UTRN: variants seen among roughly 807,000 people sequenced by gnomAD.
The protein encoded by UTRN is dystrophin-related protein 1.
In UTRN, 283 loss-of-function variants were observed where a neutral mutation model predicts 463.9. The ratio of observed to expected loss-of-function variants is 0.61; its 90% CI spans 0.55 to 0.67. UTRN has a LOEUF of 0.67. UTRN is among the 30% of genes least tolerant of loss of function. The pLI, the probability that UTRN is intolerant of heterozygous loss-of-function variation, is 0.00. For missense variants in UTRN, 3,922 were observed against 4,084.3 expected (o/e 0.96, Z 1.08); for synonymous variants, 1,442 against 1,431.5 (o/e 1.01, Z -0.17).
chr6:144,557,761 AAATAAT>A (rs1467628426), intron 50 of UTRN, among the ~76,000 whole-genome samples: 5 of 152,128 alleles, frequency 3.3e-5, no homozygotes, highest in Non-Finnish European at 7.4e-5. Context: ...TAGATCCCTG[AAATAAT>A]CTATGTGCAT....
chr6:144,789,416 C>A, intron 62 of UTRN, 137 bp downstream of exon 62: 2 of 681,488 alleles, frequency 2.9e-6, no homozygotes, highest in African/African-American at 1.9e-5. Context: ...GTGCCTATAC[C>A]AAGTTAGACA....
At chr6:144,630,837 C>T (rs886219688) in intron 51 of UTRN, among the ~76,000 whole-genome samples, 4 of 152,152 alleles carry the variant, frequency 2.6e-5, no homozygotes, top group Non-Finnish European at 5.9e-5. Context: ...GCAACTGTCA[C>T]CCTCCTTGTC....
At chr6:144,597,106 C>A in intron 51 of UTRN, among the ~76,000 whole-genome samples, 1 of 152,008 alleles carries the variant, frequency 6.6e-6, no homozygotes, top group East Asian at 1.9e-4. Flanking sequence ...GATGTGGTGG[C>A]ACATGCCTGT....
At chr6:144,313,326 A>T (rs1428150193) in intron 2 of UTRN, among the ~76,000 whole-genome samples, 1 of 151,098 alleles carries the variant, frequency 6.6e-6, no homozygotes, top group Non-Finnish European at 1.5e-5. Flanking sequence ...AACTGTGGGG[A>T]TGGAGGAGAA....
chr6:144,768,964 T>TTTTTTTG (rs1793694033), intron 58 of UTRN, among the ~76,000 whole-genome samples: 2 of 148,136 alleles, frequency 1.4e-5, no homozygotes, highest in African/African-American at 5.2e-5. Flanking sequence ...TTTTGTTTTT[T>TTTTTTTG]TTTTTTTAAT....
chr6:144,356,912 C>CAACA lies in UTRN; in HGVS notation c.80-46211_80-46210insAACA, dbSNP rs1456269511. Among the ~76,000 whole-genome samples the CAACA allele has an allele frequency of 2.1e-5, 3 of 139,566 alleles. No individual in the cohort carries two copies. The Admixed American group carries it at 2.2e-4, about 10-fold the overall frequency. 91.6% of individuals were successfully genotyped at this position (139,566 alleles called of 152,430 possible). On this transcript the variant is annotated intron_variant, in intron 2 of 74. Coordinates refer to ENST00000367545, the MANE Select transcript of UTRN (RefSeq NM_007124.3). ...GTGTGTATATATACACACACACATA[C>CAACA]TGTTTATCAAGACATATTAGGATTT...
chr6:144,804,967 A>G (rs1478294192), intron 65 of UTRN, among the ~76,000 whole-genome samples: 1 of 152,166 alleles, frequency 6.6e-6, no homozygotes, highest in Admixed American at 6.6e-5. Flanking sequence ...AAGGGGTCAG[A>G]CGCCTTAATA....
At chr6:144,545,012 T>C (rs1384035363) in intron 46 of UTRN, among the ~76,000 whole-genome samples, 1 of 152,182 alleles carries the variant, frequency 6.6e-6, no homozygotes, top group African/African-American at 2.4e-5. Flanking sequence ...TTCTCTTTTC[T>C]ACCTATGCTT....
chr6:144,326,989 G>A (rs6570620), intron 2 of UTRN, among the ~76,000 whole-genome samples: 8,354 of 152,196 alleles, frequency 0.055, 787 homozygotes, highest in African/African-American at 0.19. Flanking sequence ...ATCTCATGCC[G>A]TTGTTGATGC....
In UTRN at chr6:144,769,252, T is replaced by C. The variant is rs148319736; in HGVS notation, c.8496-2655T>C. On this transcript the variant is annotated intron_variant, in intron 58 of 74. Transcript: ENST00000367545. ...CAAATACTTTAAGCCTTTGGGTTCA[T>C]TGTGGATTTTGCTTTAACCCTCTCC... Among the ~76,000 whole-genome samples the C allele has an allele frequency of 1.1e-4, 16 of 152,160 alleles. No individual in the cohort carries two copies. In the East Asian group the frequency reaches 3.1e-3, roughly 29 times the overall value.
At chr6:144,407,918 A>T (rs1194440905) in intron 3 of UTRN, among the ~76,000 whole-genome samples, 3 of 152,228 alleles carry the variant, frequency 2.0e-5, no homozygotes, top group African/African-American at 7.2e-5. Context: ...TATCTAAAAA[A>T]AGCTAAAAAT....
At chr6:144,788,631 C>T (rs548960398) in intron 61 of UTRN, among the ~76,000 whole-genome samples, 2 of 149,484 alleles carry the variant, frequency 1.3e-5, no homozygotes, top group South Asian at 2.1e-4. Flanking sequence ...ATGGCACGAT[C>T]TCGGCTCACT....
At chr6:144,470,217 A>T (rs1272804975) in intron 23 of UTRN, among the ~76,000 whole-genome samples, 2 of 152,120 alleles carry the variant, frequency 1.3e-5, no homozygotes, top group Admixed American at 1.3e-4. Context: ...GCTGTTGGGT[A>T]CACCTCCCAG....
chr6:144,843,061 T>TA (rs1781728291), intron 73 of UTRN, among the ~76,000 whole-genome samples: 2 of 152,216 alleles, frequency 1.3e-5, no homozygotes, highest in African/African-American at 2.4e-5. Flanking sequence ...AGTGAGTAGA[T>TA]AAAATCTCAT....
At chr6:144,306,901 C>CAAA (rs773320680) in intron 2 of UTRN, among the ~76,000 whole-genome samples, 9 of 132,698 alleles carry the variant, frequency 6.8e-5, no homozygotes, top group African/African-American at 2.2e-4. Flanking sequence ...ACTAAAAATA[C>CAAA]AAAAAAAAAA....
intron 51 of UTRN, among the ~76,000 whole-genome samples, chr6:144,664,328 CAT>C (rs1780171535): frequency 6.6e-6 from 1 of 152,136 alleles, no homozygotes; most frequent in South Asian, 2.1e-4. Flanking sequence ...TAGTTTTAAA[CAT>C]TTGAAATGCG....
intron 41 of UTRN, among the ~76,000 whole-genome samples, chr6:144,525,486 A>ATTTT (rs1796488383): frequency 6.6e-6 from 1 of 151,972 alleles, no homozygotes; most frequent in Non-Finnish European, 1.5e-5. Flanking sequence ...AATGTTCATA[A>ATTTT]TAGCCTTGAT....
intron 52 of UTRN, among the ~76,000 whole-genome samples, chr6:144,693,227 C>T (rs1379193013): frequency 6.6e-6 from 1 of 152,030 alleles, no homozygotes; most frequent in Non-Finnish European, 1.5e-5. Flanking sequence ...TTTCTGAGTT[C>T]TCTGTTCTGT....
Position 144,548,732 on chromosome 6 carries a change from G to C in UTRN, c.6688G>C (p.Asp2230His), listed in dbSNP as rs774695252. The change falls in exon 47 of 75, where the codon GAT (aspartate) becomes CAT (histidine). Residue 2230 changes from aspartate to histidine, a missense_variant. Asp to His is a moderately conservative substitution (Grantham distance 81, BLOSUM62 -1). Coordinates refer to ENST00000367545, the MANE Select transcript of UTRN (RefSeq NM_007124.3). ...TACTTCGGAAATTTCAATTCCTGCT[G>C]ATCTTGATAAAACTATAACAGAACT... ...HRTSEISIPA[D>H]LDKTITELAD... 1.2e-6 allele frequency: 2 copies of C among 1,614,014 alleles called. No individual in the cohort carries two copies. The highest frequency in any genetic ancestry group is 8.5e-7 in the Non-Finnish European group (1 of 1,179,942).
Sources: gnomAD v4.1 joint callset for allele counts (sites outside exome capture counted in the v4.1 genomes callset) on GRCh38, gnomAD v4.1.1 for gene constraint, MANE v1.5 for transcripts, NCBI Gene and HGNC (gene_info 2026-07-23, HGNC 2026-07-21) for gene names.